SLC27A6: variants seen among roughly 807,000 people sequenced by gnomAD.
SLC27A6 encodes the protein solute carrier family 27 member 6.
A neutral mutation model predicts 63.9 loss-of-function variants in SLC27A6; 74 were observed. The observed-to-expected ratio is 1.16, with a 90% CI of 0.96 to 1.40. SLC27A6 has a LOEUF of 1.40. Among genes scored for constraint, SLC27A6 ranks in the 40% most tolerant of loss-of-function variants. The pLI is 0.00. For missense variants in SLC27A6, 794 were observed against 732.9 expected, an observed-to-expected ratio of 1.08 and a Z score of -0.96; for synonymous variants, 287 against 260.8, an observed-to-expected ratio of 1.10 and a Z score of -0.97.
chr5:129,007,410 TCCAGCCTGGGCGACA>T lies in SLC27A6; in HGVS notation c.970-8474_970-8460del, dbSNP rs1438038669. Among the ~76,000 whole-genome samples, 20 of 131,700 alleles carry T rather than the reference TCCAGCCTGGGCGACA, an allele frequency of 1.5e-4. No homozygotes were observed. The East Asian group carries it at 4.2e-3, about 28-fold the overall frequency. 86.4% of individuals were successfully genotyped at this position (131,700 alleles called of 152,430 possible). The stretch of plus-strand genomic sequence containing the variant: ...GTGAGCTGAGATCATGCCACTGCAC[TCCAGCCTGGGCGACA>T]GAGCGAGACTCAGTCTTAAAAAAAA... On this transcript the variant is annotated intron_variant, in intron 4 of 9. Transcript: ENST00000262462.
chr5:129,005,798 G>T (rs1315602463), intron 4 of SLC27A6, among the ~76,000 whole-genome samples: 2 of 151,462 alleles, frequency 1.3e-5, no homozygotes, highest in Non-Finnish European at 2.9e-5. Context: ...ATTTTTAGTG[G>T]AGACGGGGTT....
intron 4 of SLC27A6, among the ~76,000 whole-genome samples, chr5:128,999,598 C>A (rs898790032): frequency 6.6e-6 from 1 of 152,128 alleles, no homozygotes; most frequent in African/African-American, 2.4e-5. Context: ...TGACATCTTA[C>A]CTCAAAAATA....
chr5:128,985,202 A>G lies in SLC27A6; in HGVS notation c.551A>G (p.Asp184Gly). Residue 184 changes from aspartate (D) to glycine (G), a missense_variant, in exon 2 of 10, where the codon GAT becomes GGT. Coordinates refer to ENST00000262462, the MANE Select transcript of SLC27A6 (RefSeq NM_001017372.3). ...SENISVWGMK[D>G]SVPQGVISLK... ...AATATCAGTGTTTGGGGGATGAAAG[A>G]TTCTGTTCCACAAGGTGTAATTTCA... The G allele has an allele frequency of 6.2e-7, 1 of 1,613,940 alleles. No homozygotes were observed. The highest frequency in any genetic ancestry group is 8.5e-7 in the Non-Finnish European group (1 of 1,179,880).
intron 9 of SLC27A6, 77 bp from the exon 10 acceptor site, chr5:129,033,029 C>A (rs927512027): frequency 1.3e-6 from 1 of 772,494 alleles, no homozygotes; most frequent in South Asian, 2.9e-5. Context: ...TTTAATATTA[C>A]AGTCTATAGT....
At position 128,985,217 on chromosome 5, in the gene SLC27A6, G is replaced by A. The variant is rs1321809359; in HGVS notation, c.566G>A (p.Gly189Asp). The A allele has an allele frequency of 3.7e-6, 6 of 1,613,784 alleles. No individual in the cohort carries two copies. The highest frequency in any genetic ancestry group is 5.1e-6 in the Non-Finnish European group (6 of 1,179,886). The change falls in exon 2 of 10, where the codon GGT (glycine) becomes GAT (aspartate). Residue 189 changes from glycine (G) to aspartate (D), a missense_variant. Gly to Asp is a moderately conservative substitution (Grantham distance 94). Coordinates refer to ENST00000262462, the MANE Select transcript of SLC27A6 (RefSeq NM_001017372.3). ...VWGMKDSVPQ[G>D]VISLKEKLST... ...GGGATGAAAGATTCTGTTCCACAAG[G>A]TGTAATTTCACTCAAAGAAAAACTG...
At chr5:129,004,712 A>G (rs921794189) in intron 4 of SLC27A6, among the ~76,000 whole-genome samples, 2 of 152,242 alleles carry the variant, frequency 1.3e-5, no homozygotes, top group African/African-American at 2.4e-5. Context: ...TTTAAAAATT[A>G]CAGATGGATA....
rs771895290 is a variant in SLC27A6, at chr5:129,029,557, T to C, written c.1553-20T>C. On this transcript the variant is annotated intron_variant, in intron 8 of 9. Transcript: ENST00000262462. ...TTTATTTGGTACTTAAAAATGACTCTATTTCAAACTTTTTTTCAGGTTATG... is the reference window on the plus strand; with the variant it reads ...TTTATTTGGTACTTAAAAATGACTCCATTTCAAACTTTTTTTCAGGTTATG... 1.3e-6 allele frequency: 2 copies of C among 1,530,306 alleles called. No individual in the cohort carries two copies. The highest frequency in any genetic ancestry group is 1.8e-6 in the Non-Finnish European group (2 of 1,132,500). 94.8% of individuals were successfully genotyped at this position (1,530,306 alleles called of 1,614,324 possible). A position where few individuals can be genotyped will look rare whatever the true frequency, so the allele number is the denominator to read the frequency against.
chr5:128,974,642 C>T lies in SLC27A6; in HGVS notation c.481+8024C>T, dbSNP rs1197105002. Among the ~76,000 whole-genome samples, 9 of 152,176 alleles carry T rather than the reference C, an allele frequency of 5.9e-5. 1 individual carries two copies. In the East Asian group the frequency reaches 1.5e-3, roughly 26 times the overall value. On this transcript the variant is annotated intron_variant, in intron 1 of 9. Transcript: ENST00000262462. Reference sequence around the variant, plus strand: ...GATGGTGTACTATTAAATCATTATACCCCCAGGGAGAGTATATTGAGGTAG... The same window carrying T: ...GATGGTGTACTATTAAATCATTATATCCCCAGGGAGAGTATATTGAGGTAG...
At chr5:128,973,412 C>T (rs1256630396) in intron 1 of SLC27A6, among the ~76,000 whole-genome samples, 1 of 152,220 alleles carries the variant, frequency 6.6e-6, no homozygotes, top group African/African-American at 2.4e-5. Flanking sequence ...CCGGTTTGAG[C>T]TGTGGTGGGC....
At chr5:128,973,460 T>C (rs1750263105) in intron 1 of SLC27A6, among the ~76,000 whole-genome samples, 1 of 152,180 alleles carries the variant, frequency 6.6e-6, no homozygotes, top group Admixed American at 6.5e-5. Context: ...TTTGTTTACC[T>C]AGTGAAGCCT....
chr5:129,001,227 ACT>A (rs1751321564), intron 4 of SLC27A6, among the ~76,000 whole-genome samples: 1 of 151,668 alleles, frequency 6.6e-6, no homozygotes, highest in Admixed American at 6.6e-5. Flanking sequence ...AGAAGTGCAT[ACT>A]CTCTCCCCAC....
chr5:128,994,880 C>T lies in SLC27A6; in HGVS notation c.969+4416C>T, dbSNP rs575689784. ...TCTCTCAAACATGCACCCTATTCCC[C>T]ACTGCTTCTCTTTTTCAAAACTCCA... On this transcript the variant is annotated intron_variant, in intron 4 of 9. Coordinates refer to ENST00000262462, the MANE Select transcript of SLC27A6 (RefSeq NM_001017372.3). Among the ~76,000 whole-genome samples, 4 of 152,302 alleles carry T rather than the reference C, an allele frequency of 2.6e-5. No homozygotes were observed. In the East Asian group the frequency reaches 7.7e-4, roughly 29 times the overall value.
At chr5:129,027,071 T>C in intron 6 of SLC27A6, 62 bp from the exon 7 acceptor site, 1 of 1,319,842 alleles carries the variant, frequency 7.6e-7, no homozygotes, top group Non-Finnish European at 1.1e-6. Flanking sequence ...ATAGATACAT[T>C]CATGGTGTGT....
chr5:128,995,852 A>T (rs935245361), intron 4 of SLC27A6, among the ~76,000 whole-genome samples: 2 of 152,180 alleles, frequency 1.3e-5, no homozygotes, highest in Admixed American at 1.3e-4. Context: ...GGAAAAAATT[A>T]GACCACTTTG....
chr5:128,986,370 A>C (rs1308260240), intron 2 of SLC27A6, among the ~76,000 whole-genome samples: 1 of 152,216 alleles, frequency 6.6e-6, no homozygotes, highest in Non-Finnish European at 1.5e-5. Flanking sequence ...TTCTAGGAAA[A>C]ACTGAATGGT....
chr5:128,986,568 A>G (rs892438686), intron 2 of SLC27A6, among the ~76,000 whole-genome samples: 5 of 152,174 alleles, frequency 3.3e-5, no homozygotes, highest in Admixed American at 6.5e-5. Flanking sequence ...AGACTGGAGA[A>G]TATAATTTTT....
At chr5:128,989,923 C>CAAAAAAAAAA (rs11415836) in intron 3 of SLC27A6, among the ~76,000 whole-genome samples, 32 of 96,400 alleles carry the variant, frequency 3.3e-4, no homozygotes, top group East Asian at 2.3e-3. Flanking sequence ...GACTCCGTCT[C>CAAAAAAAAAA]AAAAAAAAAA....
intron 4 of SLC27A6, among the ~76,000 whole-genome samples, chr5:129,013,302 G>T (rs1751787162): frequency 6.6e-6 from 1 of 151,762 alleles, no homozygotes; most frequent in Non-Finnish European, 1.5e-5. Flanking sequence ...TTTCTTTGGT[G>T]CTAAGAACTG....
rs1273542084 is a variant in SLC27A6 at position 129,033,189 on chromosome 5, A to T, written c.1767A>T (p.Glu589Asp). 1 of 1,608,132 alleles carries T rather than the reference A, an allele frequency of 6.2e-7. No individual in the cohort carries two copies. Among genetic ancestry groups the T allele is most frequent in the Non-Finnish European group, 8.5e-7 (1 of 1,176,636 alleles). Residue 589 changes from glutamate (E) to aspartate (D), a missense_variant, in exon 10 of 10, where the codon GAA becomes GAT. Transcript: ENST00000262462. ...EDGFNPLKIS[E>D]PLYFMDNLKK... Reference sequence around the variant, plus strand: ...GATTTAATCCACTGAAAATTTCTGAACCACTTTACTTCATGGATAACTTGA... The same window carrying T: ...GATTTAATCCACTGAAAATTTCTGATCCACTTTACTTCATGGATAACTTGA...
Sources: gnomAD v4.1 joint callset for allele counts (sites outside exome capture counted in the v4.1 genomes callset) on GRCh38, gnomAD v4.1.1 for gene constraint, MANE v1.5 for transcripts, NCBI Gene and HGNC (gene_info 2026-07-23, HGNC 2026-07-21) for gene names.